Variants in JADE2 observed in about 807,000 individuals in gnomAD.
JADE2 encodes jade family PHD finger 2.
A neutral mutation model predicts 85.7 loss-of-function variants in JADE2; 13 were observed. The ratio of observed to expected loss-of-function variants is 0.15; its 90% CI spans 0.10 to 0.24. JADE2 has a LOEUF of 0.24. JADE2 is among the 10% of genes least tolerant of loss of function. The pLI is 1.00. For missense variants in JADE2, 846 were observed against 1,115.9 expected (o/e 0.76, Z 3.45); for synonymous variants, 440 against 456.1 (o/e 0.96, Z 0.45).
At chr5:134,541,849 C>G (rs1428325019) in intron 3 of JADE2, among the ~76,000 whole-genome samples, 1 of 152,260 alleles carries the variant, frequency 6.6e-6, no homozygotes, top group Non-Finnish European at 1.5e-5. Flanking sequence ...AAGGGGCACT[C>G]TACAGCAAGT....
intron 4 of JADE2, among the ~76,000 whole-genome samples, chr5:134,555,159 C>T (rs1052073374): frequency 1.8e-4 from 28 of 152,162 alleles, no homozygotes; most frequent in African/African-American, 6.3e-4. Flanking sequence ...TCCCTCCCTC[C>T]CTGGCCTTTG....
At chr5:134,530,153 T>TG (rs1186620099) in intron 1 of JADE2, among the ~76,000 whole-genome samples, 1 of 152,220 alleles carries the variant, frequency 6.6e-6, no homozygotes, top group Non-Finnish European at 1.5e-5. Flanking sequence ...AGTGGGGCTG[T>TG]GACCCCGGTT....
At chr5:134,547,492 C>T (rs1762360206) in intron 3 of JADE2, among the ~76,000 whole-genome samples, 1 of 152,212 alleles carries the variant, frequency 6.6e-6, no homozygotes. Context: ...AACTTTCTTG[C>T]CACAGCAAGG....
chr5:134,537,414 C>T (rs1380890252), intron 2 of JADE2, among the ~76,000 whole-genome samples: 2 of 152,206 alleles, frequency 1.3e-5, no homozygotes, highest in East Asian at 3.9e-4. Flanking sequence ...TCACTTATTC[C>T]TCACCACAGC....
In JADE2 at chr5:134,560,936, G is replaced by A. The variant is rs1342920877; in HGVS notation, c.663G>A (p.Lys221=). 1.2e-6 allele frequency: 2 copies of A among 1,613,566 alleles called. No individual in the cohort carries two copies. The highest frequency in any genetic ancestry group is 2.7e-5 in the African/African-American group (2 of 74,892). The part of the protein sequence containing the change: ...EDGNEMVFCD[K]CNVCVHQACY... ...GCAACGAGATGGTCTTCTGTGACAAGTGCAACGTCTGTGTGCATCAGGTGG... is the reference window on the plus strand; with the variant it reads ...GCAACGAGATGGTCTTCTGTGACAAATGCAACGTCTGTGTGCATCAGGTGG... The change falls in exon 6 of 12, where the codon AAG becomes AAA. Residue 221 remains lysine (K), a synonymous_variant. Coordinates refer to ENST00000681547, the MANE Select transcript of JADE2 (RefSeq NM_001388185.1).
Position 134,525,921 on chromosome 5 carries a change from C to T in JADE2, c.-91C>T, listed in dbSNP as rs1760778766. On this transcript the variant is annotated 5_prime_UTR_variant, in exon 1 of 12. Coordinates refer to ENST00000681547, the MANE Select transcript of JADE2 (RefSeq NM_001388185.1). ...CGCCCTCCCGCGCCGGCCCCAGGAGCTCCCGGCTTCGGGAGCATCCTTCCC... is the reference window on the plus strand; with the variant it reads ...CGCCCTCCCGCGCCGGCCCCAGGAGTTCCCGGCTTCGGGAGCATCCTTCCC... 2 of 985,750 alleles carry T rather than the reference C, an allele frequency of 2.0e-6. No individual in the cohort carries two copies. Among genetic ancestry groups the T allele is most frequent in the African/African-American group, 3.5e-5 (2 of 57,156 alleles). 61.1% of individuals were successfully genotyped at this position (985,750 alleles called of 1,614,324 possible). A position where few individuals can be genotyped will look rare whatever the true frequency, so the allele number is the denominator to read the frequency against.
chr5:134,538,367 G>A (rs1346501442), intron 3 of JADE2, among the ~76,000 whole-genome samples: 1 of 152,212 alleles, frequency 6.6e-6, no homozygotes, highest in Non-Finnish European at 1.5e-5. Flanking sequence ...CGCTGTGAGA[G>A]AAGGGAGAGT....
Position 134,553,242 on chromosome 5 carries a change from A to G in JADE2, c.311+1033A>G, listed in dbSNP as rs909608779. On this transcript the variant is annotated intron_variant, in intron 4 of 11. Coordinates refer to ENST00000681547, the MANE Select transcript of JADE2 (RefSeq NM_001388185.1). ...TGCCTCAGCCTCCCAAAATGCTGGG[A>G]TTACAGGCATGAGCCACCATGCCCA... Among the ~76,000 whole-genome samples the G allele has an allele frequency of 1.3e-5, 2 of 152,138 alleles. 1 individual carries two copies. The highest frequency in any genetic ancestry group is 4.1e-4 in the South Asian group (2 of 4,830).
chr5:134,564,882 T>C (rs967734320), intron 8 of JADE2, among the ~76,000 whole-genome samples: 1 of 152,204 alleles, frequency 6.6e-6, no homozygotes, highest in African/African-American at 2.4e-5. Flanking sequence ...TGAAAGCAAG[T>C]GTCTTGGGGC....
At chr5:134,544,801 G>A (rs1004252739) in intron 3 of JADE2, among the ~76,000 whole-genome samples, 2 of 152,110 alleles carry the variant, frequency 1.3e-5, no homozygotes, top group African/African-American at 4.8e-5. Context: ...TCTATATGGA[G>A]TGCCACCCCC....
intron 9 of JADE2, among the ~76,000 whole-genome samples, chr5:134,572,940 CTG>C (rs746003892): frequency 5.3e-5 from 8 of 152,358 alleles, no homozygotes; most frequent in Non-Finnish European, 1.0e-4. Flanking sequence ...AGTTCTGTCA[CTG>C]TGGCAGAGTG....
intron 1 of JADE2, among the ~76,000 whole-genome samples, chr5:134,527,620 C>T (rs1303274125): frequency 6.6e-6 from 1 of 151,930 alleles, no homozygotes; most frequent in Non-Finnish European, 1.5e-5. Context: ...TCGCCTGGGC[C>T]GGAGCCCCCC....
chr5:134,579,669 C>T lies in JADE2; in HGVS notation c.*352C>T, dbSNP rs1764602452. 2 of 256,158 alleles carry T rather than the reference C, an allele frequency of 7.8e-6. No homozygotes were observed. Among genetic ancestry groups the T allele is most frequent in the Middle Eastern group, 1.2e-3 (1 of 806 alleles). The allele number at this position is 256,158 out of a possible 1,614,324, so 15.9% of individuals were successfully genotyped here. A position where few individuals can be genotyped will look rare whatever the true frequency, so the allele number is the denominator to read the frequency against. ...ACTGCCACTGGGTGACACAGACTGT[C>T]GTTTGGGCATTATTTCATGGCAGAT... On this transcript the variant is annotated 3_prime_UTR_variant, in exon 12 of 12. Coordinates refer to ENST00000681547, the MANE Select transcript of JADE2 (RefSeq NM_001388185.1). The surrounding 1 kb of genome is among the most constrained non-coding windows in gnomAD (Gnocchi z 4.6).
At position 134,566,494 on chromosome 5, in the gene JADE2, G is replaced by A. The variant is rs1763651508; in HGVS notation, c.1348G>A (p.Glu450Lys). ...GCCGCTGCTGACCCCCAAGACCGAC[G>A]AGGTGGACAACCTGGCCCAGCAGGA... ...NQPLLTPKTD[E>K]VDNLAQQEQD... Residue 450 changes from glutamate (E) to lysine (K), a missense_variant, in exon 9 of 12, where the codon GAG becomes AAG. This residue lies in a region of JADE2 where 88 missense variants were observed against 140.6 expected (regional missense o/e 0.63). Transcript: ENST00000681547. This position sits in a 1 kb window ranked among gnomAD's most constrained non-coding sequence, Gnocchi z 6.7. 2.5e-6 allele frequency: 4 copies of A among 1,611,264 alleles called. No homozygotes were observed. Among genetic ancestry groups the A allele is most frequent in the Non-Finnish European group, 3.4e-6 (4 of 1,178,806 alleles).
chr5:134,545,241 G>C (rs935097773), intron 3 of JADE2, among the ~76,000 whole-genome samples: 14 of 152,120 alleles, frequency 9.2e-5, no homozygotes, highest in Admixed American at 7.2e-4. Flanking sequence ...TCTCTGGGGT[G>C]GGGGGCAGGA....
chr5:134,561,760 G>A (rs1489004961), intron 6 of JADE2, among the ~76,000 whole-genome samples: 1 of 152,182 alleles, frequency 6.6e-6, no homozygotes, highest in Non-Finnish European at 1.5e-5. Flanking sequence ...AGGTTCATGT[G>A]TCTCACCCAA....
chr5:134,533,749 T>C (rs963628948), intron 1 of JADE2, among the ~76,000 whole-genome samples: 16 of 143,514 alleles, frequency 1.1e-4, no homozygotes, highest in African/African-American at 1.5e-4. Context: ...TTTTTTTTTT[T>C]TTTTTTTTTT....
At chr5:134,534,988 T>A (rs891480652) in intron 1 of JADE2, among the ~76,000 whole-genome samples, 1 of 152,206 alleles carries the variant, frequency 6.6e-6, no homozygotes, top group Non-Finnish European at 1.5e-5. Flanking sequence ...CAGCTCAGCA[T>A]GCGCCTGGGG....
At chr5:134,540,605 T>A (rs905476490) in intron 3 of JADE2, among the ~76,000 whole-genome samples, 1 of 152,140 alleles carries the variant, frequency 6.6e-6, no homozygotes, top group Non-Finnish European at 1.5e-5. Context: ...TAGCTACCTT[T>A]ATGTGCCTTC....
Sources: gnomAD v4.1 joint callset for allele counts (sites outside exome capture counted in the v4.1 genomes callset) on GRCh38, gnomAD v4.1.1 for gene constraint, gnomAD v4.1.1 regional missense constraint, Gnocchi (gnomAD v3.1) non-coding constraint, MANE v1.5 for transcripts, NCBI Gene and HGNC (gene_info 2026-07-23, HGNC 2026-07-21) for gene names.